VAV3: variants seen among roughly 807,000 people sequenced by gnomAD.
VAV3 encodes vav guanine nucleotide exchange factor 3, also known as guanine nucleotide exchange factor VAV3.
A neutral mutation model predicts 131.2 loss-of-function variants in VAV3; 94 were observed. The observed-to-expected ratio is 0.72, with a 90% confidence interval of 0.61 to 0.85. The LOEUF (loss-of-function observed/expected upper bound fraction) is 0.85, where lower values mean the gene tolerates loss of function less well. Ranked by LOEUF, VAV3 falls within the 40% of genes least tolerant of loss-of-function variation. The pLI is 0.00. For missense variants in VAV3, 939 were observed against 1,002.7 expected, an observed-to-expected ratio of 0.94 and a Z score of 0.86; for synonymous variants, 349 against 342.0, an observed-to-expected ratio of 1.02 and a Z score of -0.22.
At chr1:107,654,995 G>C (rs1275926861) in intron 19 of VAV3, among the ~76,000 whole-genome samples, 1 of 151,978 alleles carries the variant, frequency 6.6e-6, no homozygotes, top group Non-Finnish European at 1.5e-5. Context: ...TCATCTGGTA[G>C]GCAGTCCACT....
chr1:107,785,752 A>G (rs184015956), intron 2 of VAV3: 1 of 728,830 alleles, frequency 1.4e-6, no homozygotes, highest in African/African-American at 1.9e-5. Context: ...GACCAGGTCA[A>G]CTGCAAGCTA....
chr1:107,748,930 G>C (rs1663525618), intron 15 of VAV3, 38 bp downstream of exon 15: 19 of 1,431,280 alleles, frequency 1.3e-5, no homozygotes, highest in Non-Finnish European at 1.8e-5. Flanking sequence ...GATTTAACTA[G>C]TAAAAATAAA....
chr1:107,912,986 G>A (rs1672439881), intron 1 of VAV3, among the ~76,000 whole-genome samples: 1 of 152,050 alleles, frequency 6.6e-6, no homozygotes, highest in Non-Finnish European at 1.5e-5. Context: ...TTTCTCTCCA[G>A]GTCTAATATG....
intron 1 of VAV3, among the ~76,000 whole-genome samples, chr1:107,959,871 A>G (rs1299746612): frequency 6.6e-6 from 1 of 152,062 alleles, no homozygotes; most frequent in African/African-American, 2.4e-5. Flanking sequence ...CCCCAACACC[A>G]TACTTCCTCT....
intron 2 of VAV3, among the ~76,000 whole-genome samples, chr1:107,782,886 C>T (rs565961513): frequency 6.6e-6 from 1 of 152,296 alleles, no homozygotes; most frequent in East Asian, 1.9e-4. Flanking sequence ...ACTAAGAAGA[C>T]TGTTTTCCTG....
intron 4 of VAV3, among the ~76,000 whole-genome samples, chr1:107,774,758 C>T (rs1665242718): frequency 1.3e-5 from 2 of 152,140 alleles, no homozygotes; most frequent in African/African-American, 4.8e-5. Flanking sequence ...GGGGACCAGG[C>T]CAGTATTTAT....
At chr1:107,704,504 TTA>T in intron 17 of VAV3, 44 bp downstream of exon 17, 1 of 1,503,036 alleles carries the variant, frequency 6.7e-7, no homozygotes, top group Non-Finnish European at 9.2e-7. Flanking sequence ...TTAGCAAATT[TTA>T]TGTCCTCATT....
At chr1:107,765,014 G>C (rs12735293) in intron 9 of VAV3, 62 bp downstream of exon 9, 109,444 of 1,079,444 alleles carry the variant, frequency 0.1, 6,314 homozygotes, top group Non-Finnish European at 0.11. Flanking sequence ...TGATCATAAA[G>C]AGGAACACAT....
chr1:107,749,219 T>C (rs1372232459), intron 14 of VAV3, 142 bp from the exon 15 acceptor site: 2 of 820,754 alleles, frequency 2.4e-6, no homozygotes, highest in Non-Finnish European at 3.8e-6. Context: ...GTAGTCAACT[T>C]CATATCTATA....
intron 17 of VAV3, among the ~76,000 whole-genome samples, chr1:107,701,516 G>T (rs1464895404): frequency 8.5e-6 from 1 of 118,018 alleles, no homozygotes; most frequent in Non-Finnish European, 2.0e-5. Flanking sequence ...CCTCTGACAT[G>T]CCCTGGAGAC....
chr1:107,730,648 T>C (rs559213734), intron 15 of VAV3, among the ~76,000 whole-genome samples: 1 of 152,360 alleles, frequency 6.6e-6, no homozygotes, highest in African/African-American at 2.4e-5. Flanking sequence ...TGGTTGTTAA[T>C]AATATACACA....
At chr1:107,745,365 T>A (rs768273948) in intron 15 of VAV3, among the ~76,000 whole-genome samples, 1 of 151,708 alleles carries the variant, frequency 6.6e-6, no homozygotes, top group Non-Finnish European at 1.5e-5. Context: ...AACATATCAG[T>A]CCTGCTACCA....
At chr1:107,936,095 T>A (rs986476274) in intron 1 of VAV3, among the ~76,000 whole-genome samples, 20 of 152,206 alleles carry the variant, frequency 1.3e-4, no homozygotes, top group Non-Finnish European at 1.5e-5. Context: ...GATGAACTAA[T>A]AATTTTTAAA....
chr1:107,755,122 T>A (rs1458149889), intron 12 of VAV3, among the ~76,000 whole-genome samples: 1 of 151,712 alleles, frequency 6.6e-6, no homozygotes, highest in Non-Finnish European at 1.5e-5. Context: ...GAATCAGCCA[T>A]GAGTATGTAG....
rs1453426772 is a variant in VAV3, at chr1:107,753,543, T to TAC, written c.1173+1883_1173+1884insGT. Among the ~76,000 whole-genome samples, 240 of 71,126 alleles carry TAC rather than the reference T, an allele frequency of 3.4e-3. 1 individual carries two copies. The highest frequency in any genetic ancestry group is 0.01 in the African/African-American group (222 of 21,330). The allele number at this position is 71,126 out of a possible 152,430, so 46.7% of individuals were successfully genotyped here. A position where few individuals can be genotyped will look rare whatever the true frequency, so the allele number is the denominator to read the frequency against. ...ATATATATACGTATATATATATATATATATATACACACACACACTTTTTTT... is the reference window on the plus strand; with the variant it reads ...ATATATATACGTATATATATATATATACATATATACACACACACACTTTTTTT... On this transcript the variant is annotated intron_variant, in intron 12 of 26. Transcript: ENST00000370056.
intron 24 of VAV3, among the ~76,000 whole-genome samples, chr1:107,600,859 T>C (rs952767638): frequency 6.6e-6 from 1 of 152,196 alleles, no homozygotes; most frequent in African/African-American, 2.4e-5. Flanking sequence ...TTTGCTTGTC[T>C]CCTCTGATGG....
intron 2 of VAV3, among the ~76,000 whole-genome samples, chr1:107,838,588 G>T (rs1358291841): frequency 6.6e-6 from 1 of 152,126 alleles, no homozygotes; most frequent in Non-Finnish European, 1.5e-5. Flanking sequence ...ATTCAATCCA[G>T]CAATCCAATT....
chr1:107,751,096 A>G (rs1225097207), intron 13 of VAV3, 21 bp downstream of exon 13: 1 of 1,596,172 alleles, frequency 6.3e-7, no homozygotes, highest in Non-Finnish European at 8.5e-7. Context: ...TATTTTGAAA[A>G]TAGTATTCTT....
intron 1 of VAV3, among the ~76,000 whole-genome samples, chr1:107,952,535 G>C (rs1394254085): frequency 1.4e-5 from 2 of 144,410 alleles, no homozygotes; most frequent in Non-Finnish European, 3.0e-5. Flanking sequence ...GAAATACCTT[G>C]AGCCATGCAC....
Sources: gnomAD v4.1 joint callset for allele counts (sites outside exome capture counted in the v4.1 genomes callset) on GRCh38, gnomAD v4.1.1 for gene constraint, MANE v1.5 for transcripts, NCBI Gene and HGNC (gene_info 2026-07-23, HGNC 2026-07-21) for gene names.